Variants in TOP2B observed in about 807,000 individuals in gnomAD.
TOP2B encodes the protein DNA topoisomerase 2-beta.
Under a neutral mutation model 193.5 loss-of-function variants are expected in TOP2B, and 51 were observed. That is an observed-to-expected ratio of 0.26 (90% CI 0.21 to 0.33). The LOEUF is 0.33. TOP2B is among the 10% of genes least tolerant of loss of function. The pLI is 1.00. For synonymous variants in TOP2B, 634 were observed against 635.7 expected (o/e 1.00, Z 0.04); for missense variants, 1,378 against 1,909.3 (o/e 0.72, Z 5.19).
chr3:25,619,470 T>C (rs1209461868), intron 23 of TOP2B, among the ~76,000 whole-genome samples: 3 of 152,116 alleles, frequency 2.0e-5, no homozygotes, highest in Non-Finnish European at 4.4e-5. Context: ...TCCTCCCCAG[T>C]TGTATAAATA....
At chr3:25,600,106 T>C (rs1440849805) in intron 34 of TOP2B, among the ~76,000 whole-genome samples, 2 of 152,174 alleles carry the variant, frequency 1.3e-5, no homozygotes, top group Admixed American at 1.3e-4. Context: ...CAAATACATA[T>C]TCCTTCTCAG....
intron 6 of TOP2B, among the ~76,000 whole-genome samples, chr3:25,636,550 G>T (rs941880744): frequency 6.6e-6 from 1 of 151,994 alleles, no homozygotes; most frequent in Non-Finnish European, 1.5e-5. Flanking sequence ...ATCCTCCTCT[G>T]ATTTTTGGTA....
rs114136822 is a variant in TOP2B at position 25,646,464 on chromosome 3, C to T, written c.70-994G>A. 2.5e-3 allele frequency among the ~76,000 whole-genome samples: 386 copies of T among 152,202 alleles called. 2 individuals carry two copies. The highest frequency in any genetic ancestry group is 8.9e-3 in the African/African-American group (368 of 41,544). On this transcript the variant is annotated intron_variant, in intron 1 of 35. Transcript: ENST00000264331. ...AGATGAGGATGTCAAATCAAATTTC[C>T]AAGGTCTACAAATTTCCTTGTCTTC... is the stretch of plus-strand genomic sequence containing the variant.
intron 21 of TOP2B, among the ~76,000 whole-genome samples, chr3:25,621,705 T>C (rs747712333): frequency 1.3e-5 from 2 of 151,900 alleles, no homozygotes; most frequent in African/African-American, 4.8e-5. Context: ...ATCGAGTATA[T>C]AGGCCGGGCA....
At chr3:25,652,391 TG>T (rs1275739363) in intron 1 of TOP2B, among the ~76,000 whole-genome samples, 2 of 152,210 alleles carry the variant, frequency 1.3e-5, no homozygotes, top group South Asian at 2.1e-4. Context: ...CAATTGCACT[TG>T]GAACATTCTC....
At chr3:25,612,734 G>A in intron 27 of TOP2B, 25 bp from the exon 28 acceptor site, 5 of 1,579,998 alleles carry the variant, frequency 3.2e-6, no homozygotes, top group Non-Finnish European at 4.3e-6. Flanking sequence ...TAAGGCAGAA[G>A]GAACATAAAC....
intron 7 of TOP2B, 133 bp from the exon 8 acceptor site, chr3:25,634,147 G>A (rs1235288496): frequency 3.3e-6 from 2 of 612,720 alleles, no homozygotes; most frequent in South Asian, 2.5e-5. Flanking sequence ...AAACCTTAGT[G>A]GCATTTCCCA....
Position 25,664,472 on chromosome 3 carries a change from G to A in TOP2B, c.-175C>T. ...GCGGACGTCCAGCCGAGCCCGCTGA[G>A]GAGGCCGCGCCGCCGGCTGCCCTCA... On this transcript the variant is annotated 5_prime_UTR_variant, in exon 1 of 36. Coordinates refer to ENST00000264331, the MANE Select transcript of TOP2B (RefSeq NM_001330700.2). 8.3e-7 allele frequency: 1 copy of A among 1,207,640 alleles called. No individual in the cohort carries two copies. 74.8% of individuals were successfully genotyped at this position (1,207,640 alleles called of 1,614,324 possible).
chr3:25,631,473 A>G (rs898659643), intron 10 of TOP2B, among the ~76,000 whole-genome samples: 4 of 152,096 alleles, frequency 2.6e-5, no homozygotes, highest in African/African-American at 9.6e-5. Context: ...CAGTGAATCA[A>G]TCTGTGGCAA....
chr3:25,618,660 T>G lies in TOP2B; in HGVS notation c.3253A>C (p.Thr1085Pro). 6.2e-7 allele frequency: 1 copy of G among 1,605,742 alleles called. No homozygotes were observed. The highest frequency in any genetic ancestry group is 8.5e-7 in the Non-Finnish European group (1 of 1,177,284). The change falls in exon 24 of 36, where the codon ACT (threonine) becomes CCT (proline). Residue 1085 changes from threonine to proline, a missense_variant. This residue lies in a region of TOP2B where 379 missense variants were observed against 615.1 expected (regional missense o/e 0.62). Coordinates refer to ENST00000264331, the MANE Select transcript of TOP2B (RefSeq NM_001330700.2). ...TTTAAAGGTTGTATCTTACCTATAGTAATTTTCCCTTGTATCTTCTCTAAA... is the reference window on the plus strand; with the variant it reads ...TTTAAAGGTTGTATCTTACCTATAGGAATTTTCCCTTGTATCTTCTCTAAA... ...FILEKIQGKI[T>P]IENRSKKDLI...
chr3:25,664,234 A>G lies in TOP2B; in HGVS notation c.64T>C (p.Trp22Arg). 2.0e-6 allele frequency: 3 copies of G among 1,537,890 alleles called. No individual in the cohort carries two copies. Among genetic ancestry groups the G allele is most frequent in the Non-Finnish European group, 2.6e-6 (3 of 1,145,568 alleles). The change falls in exon 1 of 36, where the codon TGG becomes CGG. Residue 22 changes from tryptophan to arginine, a missense_variant. Coordinates refer to ENST00000264331, the MANE Select transcript of TOP2B (RefSeq NM_001330700.2). ...CCCGGGGACCAGCCACTTACCACCC[A>G]GGTCAGTGCCCCGTTGCCGCCGCCC... ...GVGGGNGALT[W>R]VTLFDQNNAA...
At chr3:25,663,863 G>GC (rs1273349588) in intron 1 of TOP2B, among the ~76,000 whole-genome samples, 1 of 152,054 alleles carries the variant, frequency 6.6e-6, no homozygotes, top group Non-Finnish European at 1.5e-5. Context: ...AGAAAATGCT[G>GC]CCCCACACAG....
intron 35 of TOP2B, 80 bp from the exon 36 acceptor site, chr3:25,598,557 G>A (rs561923908): frequency 2.2e-5 from 25 of 1,130,962 alleles, no homozygotes; most frequent in East Asian, 5.6e-5. Context: ...CTTAAACTTC[G>A]CTTATGTTTA....
intron 18 of TOP2B, 148 bp downstream of exon 18, chr3:25,626,412 A>C: frequency 2.4e-6 from 1 of 421,696 alleles, no homozygotes; most frequent in South Asian, 8.2e-5. Flanking sequence ...AAGCAAAATC[A>C]AAAAGGCCTT....
chr3:25,603,213 T>C, intron 33 of TOP2B, among the ~76,000 whole-genome samples: 1 of 152,276 alleles, frequency 6.6e-6, no homozygotes, highest in Non-Finnish European at 1.5e-5. Flanking sequence ...CATATGAAGA[T>C]TATTTTTTAA....
chr3:25,660,442 TGAAA>T (rs1181221436), intron 1 of TOP2B, among the ~76,000 whole-genome samples: 1 of 152,064 alleles, frequency 6.6e-6, no homozygotes, highest in Non-Finnish European at 1.5e-5. Flanking sequence ...AAACATTCAA[TGAAA>T]GAAAAAGATG....
In TOP2B at chr3:25,617,066, T is replaced by C. The variant is rs1018367527; in HGVS notation, c.3351+1352A>G. Among the ~76,000 whole-genome samples, 6 of 152,178 alleles carry C rather than the reference T, an allele frequency of 3.9e-5. No homozygotes were observed. In the South Asian group the frequency reaches 1.2e-3, roughly 32 times the overall value. ...CCCCAAAATGTACACATGGCCAAGA[T>C]GCTGAAAAAATTCTGATGGTGGTAA... On this transcript the variant is annotated intron_variant, in intron 25 of 35. Transcript: ENST00000264331.
At chr3:25,640,981 C>T (rs775809896) in intron 4 of TOP2B, among the ~76,000 whole-genome samples, 1 of 151,940 alleles carries the variant, frequency 6.6e-6, no homozygotes, top group Non-Finnish European at 1.5e-5. Flanking sequence ...AGGTTTTCAC[C>T]ATGTTGCCCA....
At chr3:25,620,606 G>A (rs1174798075) in intron 22 of TOP2B, 76 bp downstream of exon 22, 22 of 1,479,884 alleles carry the variant, frequency 1.5e-5, no homozygotes, top group South Asian at 1.1e-4. Flanking sequence ...GACCAACAAC[G>A]GTGGAATCAT....
Sources: gnomAD v4.1 joint callset for allele counts (sites outside exome capture counted in the v4.1 genomes callset) on GRCh38, gnomAD v4.1.1 for gene constraint, gnomAD v4.1.1 regional missense constraint, MANE v1.5 for transcripts, NCBI Gene and HGNC (gene_info 2026-07-23, HGNC 2026-07-21) for gene names.